SLIT1: variants seen among roughly 807,000 people sequenced by gnomAD.
SLIT1 encodes the protein slit guidance ligand 1, also known as slit homolog 1 protein.
SLIT1 carries 66 observed loss-of-function variants against 186.1 expected under a neutral mutation model. The ratio of observed to expected loss-of-function variants is 0.35; its 90% CI spans 0.29 to 0.44. The LOEUF is 0.44. Ranked by LOEUF, SLIT1 falls within the 20% of genes least tolerant of loss-of-function variation. The pLI, the probability that SLIT1 is intolerant of heterozygous loss-of-function variation, is 1.00. For missense variants in SLIT1, 1,638 were observed against 2,037.4 expected, an observed-to-expected ratio of 0.80 and a Z score of 3.77; for synonymous variants, 761 against 833.8, an observed-to-expected ratio of 0.91 and a Z score of 1.50.
chr10:97,000,836 C>T lies in SLIT1; in HGVS notation c.*276G>A, dbSNP rs1404162013. Reference sequence around the variant, plus strand: ...ACTTCTTGGCCTGACCTCACGCACACATTCACTCAACAAATATTTATTAAG... The same window carrying T: ...ACTTCTTGGCCTGACCTCACGCACATATTCACTCAACAAATATTTATTAAG... On this transcript the variant is annotated 3_prime_UTR_variant, in exon 37 of 37. Coordinates refer to ENST00000266058, the MANE Select transcript of SLIT1 (RefSeq NM_003061.3). The T allele has an allele frequency of 2.1e-5, 10 of 481,846 alleles. No individual in the cohort carries two copies. The highest frequency in any genetic ancestry group is 3.0e-5 in the Non-Finnish European group (8 of 265,880). The allele number at this position is 481,846 out of a possible 1,614,324, so 29.8% of individuals were successfully genotyped here.
At chr10:97,082,347 C>T (rs770626508) in intron 4 of SLIT1, among the ~76,000 whole-genome samples, 9 of 152,176 alleles carry the variant, frequency 5.9e-5, no homozygotes, top group Non-Finnish European at 1.0e-4. Flanking sequence ...CAACATTTAT[C>T]GTGCATTTAC....
chr10:97,166,925 C>G (rs920737747), intron 1 of SLIT1, among the ~76,000 whole-genome samples: 1 of 152,200 alleles, frequency 6.6e-6, no homozygotes, highest in Non-Finnish European at 1.5e-5. Flanking sequence ...CCGTGGCCAT[C>G]TGACCCGCGG....
chr10:97,150,243 C>G (rs545279248), intron 4 of SLIT1, among the ~76,000 whole-genome samples: 4 of 152,306 alleles, frequency 2.6e-5, no homozygotes, highest in Admixed American at 2.6e-4. Flanking sequence ...ATGGATGCGT[C>G]ACAATAGCGA....
intron 4 of SLIT1, among the ~76,000 whole-genome samples, chr10:97,141,176 C>G (rs148219629): frequency 1.3e-5 from 2 of 152,298 alleles, no homozygotes; most frequent in Non-Finnish European, 2.9e-5. Flanking sequence ...CCTCCCTGAA[C>G]TCTTCCAGGA....
intron 1 of SLIT1, among the ~76,000 whole-genome samples, chr10:97,183,068 A>G (rs1850363217): frequency 6.6e-6 from 1 of 152,084 alleles, no homozygotes; most frequent in Non-Finnish European, 1.5e-5. Flanking sequence ...CTCTGCCTAG[A>G]TTGCCTGCCC....
chr10:97,042,716 C>T (rs1017345523), intron 20 of SLIT1, among the ~76,000 whole-genome samples, 185 bp downstream of exon 20: 1 of 152,188 alleles, frequency 6.6e-6, no homozygotes, highest in Admixed American at 6.5e-5. Flanking sequence ...CTTATAACCA[C>T]ACAAAGACAC....
In SLIT1 at chr10:97,163,372, G is replaced by A; in HGVS notation, c.341+8C>T. 6.2e-7 allele frequency: 1 copy of A among 1,613,364 alleles called. No homozygotes were observed. Among genetic ancestry groups the A allele is most frequent in the South Asian group, 1.1e-5 (1 of 91,078 alleles). On this transcript the variant is annotated splice_region_variant and intron_variant, in intron 3 of 36. Transcript: ENST00000266058. ...CGCCCTCCTGGCCTGCACCCTGCCA[G>A]GACTCACAGCCGCTCCAGCTCCTTC... is the stretch of plus-strand genomic sequence containing the variant.
intron 28 of SLIT1, among the ~76,000 whole-genome samples, chr10:97,017,109 T>C (rs1166831185): frequency 6.6e-6 from 1 of 152,092 alleles, no homozygotes; most frequent in African/African-American, 2.4e-5. Flanking sequence ...TGTAAGGCAG[T>C]GAGGTGAGGG....
At chr10:97,185,424 T>C in intron 1 of SLIT1, 54 bp downstream of exon 1, 2 of 1,562,264 alleles carry the variant, frequency 1.3e-6, no homozygotes, top group Non-Finnish European at 8.7e-7. Flanking sequence ...GAATTGCGTC[T>C]GGGTGGGAGG....
At chr10:97,078,351 C>T (rs923848851) in intron 4 of SLIT1, among the ~76,000 whole-genome samples, 4 of 152,118 alleles carry the variant, frequency 2.6e-5, no homozygotes, top group Admixed American at 6.5e-5. Flanking sequence ...CCTGTGGCAG[C>T]CCCCTCCTTC....
chr10:97,126,811 T>C (rs1023608089), intron 4 of SLIT1, among the ~76,000 whole-genome samples: 11 of 152,104 alleles, frequency 7.2e-5, no homozygotes, highest in Non-Finnish European at 1.0e-4. Flanking sequence ...CTCAGTCCCA[T>C]GTATGGGTGT....
At chr10:97,157,749 C>T in intron 4 of SLIT1, 69 bp downstream of exon 4, 1 of 1,214,582 alleles carries the variant, frequency 8.2e-7, no homozygotes, top group Non-Finnish European at 1.2e-6. Context: ...ACTGACCAAA[C>T]ACTGTGCCTC....
intron 20 of SLIT1, among the ~76,000 whole-genome samples, chr10:97,042,012 T>C (rs1488081247): frequency 6.6e-6 from 1 of 151,926 alleles, no homozygotes; most frequent in Non-Finnish European, 1.5e-5. Context: ...ATAAAATATA[T>C]ATGTAAATAG....
chr10:97,104,783 A>G lies in SLIT1; in HGVS notation c.414-38697T>C, dbSNP rs745772771. Among the ~76,000 whole-genome samples the G allele has an allele frequency of 6.5e-4, 98 of 151,918 alleles. 3 individuals carry two copies. Among genetic ancestry groups the G allele is most frequent in the Non-Finnish European group, 3.1e-4 (21 of 67,970 alleles). ...GAAGTCCTACCCAACGTCACAACCC[A>G]TCTCAAAGGCCACCTTCTCCATGAA... is the stretch of plus-strand genomic sequence containing the variant. On this transcript the variant is annotated intron_variant, in intron 4 of 36. Transcript: ENST00000266058.
intron 4 of SLIT1, chr10:97,153,490 C>T (rs932886948): frequency 6.6e-6 from 1 of 152,242 alleles, no homozygotes; most frequent in Non-Finnish European, 1.5e-5. Context: ...CAGATCCCTA[C>T]AAAGCAAAGG....
intron 4 of SLIT1, among the ~76,000 whole-genome samples, chr10:97,070,954 G>C (rs1458751122): frequency 6.6e-6 from 1 of 152,044 alleles, no homozygotes; most frequent in East Asian, 1.9e-4. Flanking sequence ...TGAGTAGCTG[G>C]GACTACAGAT....
intron 4 of SLIT1, among the ~76,000 whole-genome samples, chr10:97,076,116 CT>C (rs1236389270): frequency 6.6e-6 from 1 of 152,222 alleles, no homozygotes; most frequent in African/African-American, 2.4e-5. Flanking sequence ...CCCACAGGCC[CT>C]TCCTGCATTT....
intron 23 of SLIT1, among the ~76,000 whole-genome samples, chr10:97,033,246 A>C (rs1184833578): frequency 6.6e-6 from 1 of 152,080 alleles, no homozygotes; most frequent in Non-Finnish European, 1.5e-5. Context: ...GCTTGGGCCC[A>C]CATTCAGCTC....
intron 1 of SLIT1, among the ~76,000 whole-genome samples, chr10:97,169,665 G>A (rs2784915): frequency 0.84 from 127,088 of 152,184 alleles, 53,600 homozygotes; most frequent in Non-Finnish European, 0.9. Flanking sequence ...AGATCCCAAG[G>A]TCCAGAGCCC....
Sources: allele counts gnomAD v4.1 joint callset (sites outside exome capture counted in the v4.1 genomes callset), GRCh38; gene constraint gnomAD v4.1.1; transcripts MANE v1.5; gene names NCBI Gene and HGNC (gene_info 2026-07-23, HGNC 2026-07-21).